Variants in SOX6 observed in about 807,000 individuals in gnomAD.
SOX6 encodes transcription factor SOX-6.
SOX6 carries 11 observed loss-of-function variants against 97.8 expected under a neutral mutation model. The observed-to-expected ratio is 0.11, with a 90% confidence interval of 0.07 to 0.19. The LOEUF is 0.19. Ranked by LOEUF, SOX6 falls within the 10% of genes least tolerant of loss-of-function variation. The pLI, the probability that SOX6 is intolerant of heterozygous loss-of-function variation, is 1.00. For synonymous variants in SOX6, 360 were observed against 371.4 expected, an observed-to-expected ratio of 0.97 and a Z score of 0.35; for missense variants, 810 against 1,039.5, an observed-to-expected ratio of 0.78 and a Z score of 3.04.
intron 3 of SOX6, among the ~76,000 whole-genome samples, chr11:16,636,863 C>G (rs1247189210): frequency 6.6e-6 from 1 of 152,156 alleles, no homozygotes; most frequent in Non-Finnish European, 1.5e-5. Context: ...GTTTGCTTCC[C>G]CTTCTGCCAT....
chr11:16,421,038 A>AG (rs1313985726), intron 1 of SOX6, among the ~76,000 whole-genome samples: 1 of 152,188 alleles, frequency 6.6e-6, no homozygotes, highest in Non-Finnish European at 1.5e-5. Context: ...TGACAATGTG[A>AG]GAAAAAAAAT....
intron 4 of SOX6, among the ~76,000 whole-genome samples, chr11:16,510,649 T>A (rs1326936374): frequency 1.3e-5 from 2 of 152,196 alleles, no homozygotes; most frequent in South Asian, 2.1e-4. Flanking sequence ...AAATAATCCA[T>A]CTTTTTATGT....
chr11:16,684,250 T>C (rs932236555), intron 3 of SOX6, among the ~76,000 whole-genome samples: 1 of 152,220 alleles, frequency 6.6e-6, no homozygotes, highest in Non-Finnish European at 1.5e-5. Context: ...CAAAGGATTA[T>C]AAATCATGCT....
At chr11:16,310,455 T>C (rs1855566646) in intron 3 of SOX6, among the ~76,000 whole-genome samples, 1 of 152,108 alleles carries the variant, frequency 6.6e-6, no homozygotes, top group African/African-American at 2.4e-5. Context: ...TACTTGTTTA[T>C]TTAAACTATC....
At chr11:16,433,961 G>A (rs1223372945) in intron 1 of SOX6, among the ~76,000 whole-genome samples, 2 of 152,072 alleles carry the variant, frequency 1.3e-5, no homozygotes, top group South Asian at 2.1e-4. Context: ...AAGGCCTTCA[G>A]GATTTTAACC....
intron 3 of SOX6, among the ~76,000 whole-genome samples, chr11:16,696,243 C>T (rs1848052762): frequency 6.6e-6 from 1 of 152,118 alleles, no homozygotes; most frequent in African/African-American, 2.4e-5. Context: ...CAAGATTTTC[C>T]TTTTCACTCT....
intron 1 of SOX6, among the ~76,000 whole-genome samples, chr11:16,468,732 G>C (rs1466677861): frequency 6.6e-6 from 1 of 152,078 alleles, no homozygotes; most frequent in East Asian, 1.9e-4. Flanking sequence ...GAGTTGAAAA[G>C]TAAACCAAGA....
chr11:16,410,280 G>T (rs1858777765), intron 1 of SOX6, among the ~76,000 whole-genome samples: 1 of 152,076 alleles, frequency 6.6e-6, no homozygotes, highest in Non-Finnish European at 1.5e-5. Flanking sequence ...ATAAAGTAAT[G>T]TCCAAATAGC....
chr11:16,440,800 C>G (rs926421964), intron 1 of SOX6, among the ~76,000 whole-genome samples: 1 of 151,968 alleles, frequency 6.6e-6, no homozygotes, highest in Admixed American at 6.6e-5. Flanking sequence ...GAAGAGTTAC[C>G]AGGATAAGTG....
chr11:16,376,317 A>G (rs1199851892), intron 1 of SOX6, among the ~76,000 whole-genome samples: 1 of 152,086 alleles, frequency 6.6e-6, no homozygotes, highest in African/African-American at 2.4e-5. Flanking sequence ...ATAAACTTGC[A>G]TCCCAAAACA....
chr11:16,026,572 C>T (rs1855221794), intron 12 of SOX6, among the ~76,000 whole-genome samples: 1 of 152,122 alleles, frequency 6.6e-6, no homozygotes, highest in African/African-American at 2.4e-5. Context: ...AGTAAAGTAA[C>T]ATAAATGCAA....
intron 15 of SOX6, among the ~76,000 whole-genome samples, chr11:15,981,243 AAAC>A (rs1853646479): frequency 6.6e-6 from 1 of 152,094 alleles, no homozygotes; most frequent in Admixed American, 6.6e-5. Context: ...GTGCACATCA[AAAC>A]AACATTTGTG....
intron 4 of SOX6, among the ~76,000 whole-genome samples, chr11:16,201,421 G>A (rs915345388): frequency 3.3e-5 from 5 of 151,462 alleles, no homozygotes; most frequent in African/African-American, 1.2e-4. Flanking sequence ...AAATATGAAT[G>A]GCACTATTCT....
chr11:16,676,248 G>A (rs930861931), intron 3 of SOX6, among the ~76,000 whole-genome samples: 1 of 151,966 alleles, frequency 6.6e-6, no homozygotes, highest in Admixed American at 6.6e-5. Context: ...TTTCTCTTTG[G>A]TTCCTTTTTA....
intron 1 of SOX6, among the ~76,000 whole-genome samples, chr11:16,440,245 G>A (rs1156809860): frequency 1.3e-5 from 2 of 152,134 alleles, no homozygotes; most frequent in Admixed American, 1.3e-4. Flanking sequence ...TAGGAAAAAC[G>A]GATTTGCCGT....
chr11:16,608,506 T>G (rs1025088796), intron 4 of SOX6, among the ~76,000 whole-genome samples: 2 of 147,652 alleles, frequency 1.4e-5, no homozygotes, highest in Non-Finnish European at 3.0e-5. Flanking sequence ...AAGAAAGAGA[T>G]GAAGGAAGCA....
chr11:16,040,737 G>C (rs1352548976), intron 12 of SOX6, among the ~76,000 whole-genome samples: 1 of 152,024 alleles, frequency 6.6e-6, no homozygotes, highest in African/African-American at 2.4e-5. Context: ...GGGAACAAAT[G>C]AGATGATGGA....
At chr11:16,024,484 TTCTA>T (rs1170254678) in intron 12 of SOX6, among the ~76,000 whole-genome samples, 4 of 150,912 alleles carry the variant, frequency 2.7e-5, no homozygotes, top group Non-Finnish European at 4.4e-5. Context: ...CTAGTAGCAG[TTCTA>T]TCTGTTGACA....
Position 16,541,046 on chromosome 11 carries a change from G to A in SOX6, n.610-64658C>T, listed in dbSNP as rs539906971. On this transcript the variant is annotated intron_variant and non_coding_transcript_variant, in intron 4 of 5. Transcript: ENST00000524520. Reference sequence around the variant, plus strand: ...CTAAGCCAAAAGAACAAAGATGGAAGCATCACACTACCTGACTTCAAACTA... The same window carrying A: ...CTAAGCCAAAAGAACAAAGATGGAAACATCACACTACCTGACTTCAAACTA... Among the ~76,000 whole-genome samples, 5 of 152,250 alleles carry A rather than the reference G, an allele frequency of 3.3e-5. No individual in the cohort carries two copies. In the East Asian group the frequency reaches 9.6e-4, roughly 29 times the overall value.
Sources: allele counts gnomAD v4.1 joint callset (sites outside exome capture counted in the v4.1 genomes callset), GRCh38; gene constraint gnomAD v4.1.1; transcripts MANE v1.5; gene names NCBI Gene and HGNC (gene_info 2026-07-23, HGNC 2026-07-21).